CHST15: variants seen among roughly 807,000 people sequenced by gnomAD.
The protein encoded by CHST15 is B cell RAG associated protein (GALNAC4S-6ST).
Under a neutral mutation model 53.6 loss-of-function variants are expected in CHST15, and 30 were observed. The observed-to-expected ratio is 0.56, with a 90% confidence interval of 0.42 to 0.76. The LOEUF (loss-of-function observed/expected upper bound fraction) is 0.76. Among genes scored for constraint, CHST15 ranks in the 30% least tolerant of loss-of-function variants. The pLI is 0.00. For missense variants in CHST15, 627 were observed against 740.5 expected, an observed-to-expected ratio of 0.85 and a Z score of 1.78; for synonymous variants, 296 against 289.8, an observed-to-expected ratio of 1.02 and a Z score of -0.22.
chr10:124,029,251 T>G (rs777594929), intron 5 of CHST15, among the ~76,000 whole-genome samples: 6 of 152,216 alleles, frequency 3.9e-5, no homozygotes, highest in Non-Finnish European at 7.3e-5. Flanking sequence ...TGTGACTGTC[T>G]CATCAGGAGG....
rs572047173 is a variant in CHST15 at position 124,088,707 on chromosome 10, C to G, written c.-513+4762G>C. ...AAAGGGATATACCTGTGTGACCTGTCTAGCAGAGGGCCAGCTTCAAACCTA... is the reference window on the plus strand; with the variant it reads ...AAAGGGATATACCTGTGTGACCTGTGTAGCAGAGGGCCAGCTTCAAACCTA... On this transcript the variant is annotated intron_variant, in intron 1 of 7. Transcript: ENST00000435907. 3.2e-4 allele frequency among the ~76,000 whole-genome samples: 48 copies of G among 152,318 alleles called. 1 individual carries two copies. Among genetic ancestry groups the G allele is most frequent in the Admixed American group, 3.0e-3 (46 of 15,308 alleles).
intron 5 of CHST15, among the ~76,000 whole-genome samples, chr10:124,029,795 C>T (rs971132365): frequency 6.6e-6 from 1 of 152,202 alleles, no homozygotes; most frequent in African/African-American, 2.4e-5. Context: ...CATGTGCTGC[C>T]ACCCCCTCCT....
rs146705705 is a variant in CHST15 at position 124,039,036 on chromosome 10, C to A, written c.1034-365G>T. Among the ~76,000 whole-genome samples the A allele has an allele frequency of 1.8e-3, 281 of 152,290 alleles. 1 individual carries two copies. Among genetic ancestry groups the A allele is most frequent in the African/African-American group, 6.5e-3 (270 of 41,556 alleles). ...TTGCTCACAGTGCACAGCTCTGTGG[C>A]ATTTTAAGGGCCCACTGAGAATGCA... On this transcript the variant is annotated intron_variant, in intron 4 of 7. Transcript: ENST00000435907.
intron 4 of CHST15, among the ~76,000 whole-genome samples, chr10:124,039,765 G>C (rs1947666369): frequency 6.6e-6 from 1 of 152,232 alleles, no homozygotes; most frequent in Non-Finnish European, 1.5e-5. Flanking sequence ...CAGTGTGTGT[G>C]CGTGTATGTG....
At chr10:124,069,623 TCA>T (rs775633622) in intron 1 of CHST15, among the ~76,000 whole-genome samples, 1 of 152,136 alleles carries the variant, frequency 6.6e-6, no homozygotes, top group Non-Finnish European at 1.5e-5. Context: ...GTTTACGGTT[TCA>T]CAGTTTTAAA....
intron 1 of CHST15, among the ~76,000 whole-genome samples, chr10:124,060,593 G>A (rs1042231319): frequency 6.6e-6 from 1 of 150,916 alleles, no homozygotes; most frequent in African/African-American, 2.4e-5. Context: ...GCAAAGGTGT[G>A]CTTCCCCCAG....
intron 3 of CHST15, among the ~76,000 whole-genome samples, chr10:124,043,330 G>A (rs899766747): frequency 6.6e-6 from 1 of 152,196 alleles, no homozygotes; most frequent in Admixed American, 6.5e-5. Context: ...GTTCAGACAC[G>A]TCCAGCAAAT....
chr10:124,030,523 T>C (rs896784985), intron 5 of CHST15, among the ~76,000 whole-genome samples: 1 of 152,230 alleles, frequency 6.6e-6, no homozygotes, highest in Admixed American at 6.5e-5. Flanking sequence ...TCCGTGGCTA[T>C]TGCTGCAACC....
At position 124,019,991 on chromosome 10, in the gene CHST15, A is replaced by G; in HGVS notation, c.1347+1265T>C. On this transcript the variant is annotated intron_variant, in intron 6 of 7. Coordinates refer to ENST00000435907, the MANE Select transcript of CHST15 (RefSeq NM_001270764.2). The surrounding 1 kb of genome is among the most constrained non-coding windows in gnomAD (Gnocchi z 4.6). Reference sequence around the variant, plus strand: ...CCTCAGCACAGACATTCCCTCTCCTAAGAACCTGCCTGAAGCCCCGTTCTC... The same window carrying G: ...CCTCAGCACAGACATTCCCTCTCCTGAGAACCTGCCTGAAGCCCCGTTCTC... The G allele has an allele frequency of 2.0e-6, 2 of 985,422 alleles. No individual in the cohort carries two copies. Among genetic ancestry groups the G allele is most frequent in the Non-Finnish European group, 2.4e-6 (2 of 830,038 alleles). 61.0% of individuals were successfully genotyped at this position (985,422 alleles called of 1,614,324 possible).
intron 1 of CHST15, among the ~76,000 whole-genome samples, chr10:124,090,581 C>T (rs978450506): frequency 1.8e-4 from 28 of 152,234 alleles, no homozygotes; most frequent in Non-Finnish European, 5.9e-5. Context: ...CCAAACACTT[C>T]TTCTTGATGC....
At chr10:124,088,131 C>T (rs1310940703) in intron 1 of CHST15, among the ~76,000 whole-genome samples, 1 of 152,232 alleles carries the variant, frequency 6.6e-6, no homozygotes, top group Non-Finnish European at 1.5e-5. Flanking sequence ...TTACTGGATG[C>T]CAGGCACTGT....
At chr10:124,028,175 GA>G (rs1947084440) in intron 5 of CHST15, among the ~76,000 whole-genome samples, 1 of 152,238 alleles carries the variant, frequency 6.6e-6, no homozygotes, top group African/African-American at 2.4e-5. Context: ...CCGGCATCTA[GA>G]AAAGTGACAG....
chr10:124,020,103 T>C (rs1370366955), intron 6 of CHST15: 1 of 985,470 alleles, frequency 1.0e-6, no homozygotes, highest in Non-Finnish European at 1.2e-6. Context: ...ACCACACCTG[T>C]CCTGGCATTG....
chr10:124,073,022 T>C (rs1012730505), intron 1 of CHST15, among the ~76,000 whole-genome samples: 2 of 152,200 alleles, frequency 1.3e-5, no homozygotes, highest in African/African-American at 4.8e-5. Context: ...ATGGGAACGG[T>C]AAATGAGTAC....
intron 4 of CHST15, among the ~76,000 whole-genome samples, chr10:124,039,964 C>G (rs541326525): frequency 5.3e-5 from 8 of 152,296 alleles, no homozygotes; most frequent in African/African-American, 1.9e-4. Context: ...CCTATCATTT[C>G]TGTCGGATGC....
intron 6 of CHST15, 35 bp downstream of exon 6, chr10:124,021,221 C>T (rs1353620717): frequency 5.4e-6 from 6 of 1,102,830 alleles, no homozygotes; most frequent in Non-Finnish European, 7.6e-6. Context: ...CTGCCAGGGG[C>T]CAGCTCGGGG....
chr10:124,038,136 TCA>T (rs2133961302), intron 5 of CHST15, among the ~76,000 whole-genome samples: 1 of 151,196 alleles, frequency 6.6e-6, no homozygotes, highest in South Asian at 2.1e-4. Context: ...AGATGGAGTC[TCA>T]CTCTGACACC....
At chr10:124,026,136 G>A (rs1379280293) in intron 5 of CHST15, among the ~76,000 whole-genome samples, 1 of 152,182 alleles carries the variant, frequency 6.6e-6, no homozygotes, top group Non-Finnish European at 1.5e-5. Flanking sequence ...TGGCCCTGAG[G>A]GTAGGGGAGG....
intron 1 of CHST15, among the ~76,000 whole-genome samples, chr10:124,067,772 A>G (rs1397861885): frequency 6.6e-6 from 1 of 152,014 alleles, no homozygotes; most frequent in Non-Finnish European, 1.5e-5. Flanking sequence ...GACCACCACC[A>G]TGCCCCGCTA....
Sources: gnomAD v4.1 joint callset for allele counts (sites outside exome capture counted in the v4.1 genomes callset) on GRCh38, gnomAD v4.1.1 for gene constraint, Gnocchi (gnomAD v3.1) non-coding constraint, MANE v1.5 for transcripts, NCBI Gene and HGNC (gene_info 2026-07-23, HGNC 2026-07-21) for gene names.